The following CFAP90 variants were observed in gnomAD, a reference collection of about 807,000 sequenced individuals.
The protein encoded by CFAP90 is cilia and flagella associated protein 90, also known as cilia- and flagella-associated protein 90.
At chr5:7,850,779 C>T in the CFAP90 span, 1 of 1,165,384 alleles carries the variant, frequency 8.6e-7, no homozygotes, top group Non-Finnish European at 1.1e-6. Flanking sequence ...CGCGGCCGCC[C>T]GCCCCTGCCC....
chr5:7,831,864 T>C, the CFAP90 span: 1 of 1,612,768 alleles, frequency 6.2e-7, no homozygotes. Context: ...GATGGAGCAA[T>C]GTGCCCAAAG....
the CFAP90 span, chr5:7,831,992 A>T: frequency 1.9e-6 from 3 of 1,612,960 alleles, no homozygotes; most frequent in Non-Finnish European, 2.5e-6. Context: ...CTTCCCATAG[A>T]CAGAAGACGT....
chr5:7,845,740 A>G, the CFAP90 span, among the ~76,000 whole-genome samples: 1 of 152,218 alleles, frequency 6.6e-6, no homozygotes, highest in East Asian at 1.9e-4. Flanking sequence ...GGCAAAGCCC[A>G]CGCTACTAGA....
At chr5:7,837,785 A>G in the CFAP90 span, among the ~76,000 whole-genome samples, 1 of 152,250 alleles carries the variant, frequency 6.6e-6, no homozygotes, top group East Asian at 1.9e-4. Context: ...TTTAAGATTC[A>G]TAAGAATTCC....
At chr5:7,835,119 A>G in the CFAP90 span, among the ~76,000 whole-genome samples, 1 of 152,234 alleles carries the variant, frequency 6.6e-6, no homozygotes, top group South Asian at 2.1e-4. Context: ...GTGCAATAGC[A>G]TTATGTCTGA....
chr5:7,835,887 G>C, the CFAP90 span, among the ~76,000 whole-genome samples: 41 of 152,246 alleles, frequency 2.7e-4, no homozygotes, highest in African/African-American at 8.4e-4. Flanking sequence ...TATAGACTGG[G>C]TGACTTATAG....
At chr5:7,832,619 C>T in the CFAP90 span, among the ~76,000 whole-genome samples, 1 of 152,280 alleles carries the variant, frequency 6.6e-6, no homozygotes, top group East Asian at 1.9e-4. Context: ...TCCCGAGTAG[C>T]TGGGATTACA....
chr5:7,831,759 G>A, the CFAP90 span: 1 of 1,280,642 alleles, frequency 7.8e-7, no homozygotes, highest in Admixed American at 2.0e-5. Flanking sequence ...GTCATGAGAA[G>A]GGGAAAGGAG....
the CFAP90 span, chr5:7,850,762 G>A: frequency 2.4e-6 from 2 of 849,068 alleles, no homozygotes; most frequent in Non-Finnish European, 2.8e-6. Context: ...CTTCTCCCCC[G>A]CCCCTCCGCG....
At chr5:7,834,859 T>C in the CFAP90 span, among the ~76,000 whole-genome samples, 1 of 152,150 alleles carries the variant, frequency 6.6e-6, no homozygotes, top group Non-Finnish European at 1.5e-5. Context: ...TACACTCTGA[T>C]GTACACTCAG....
the CFAP90 span, chr5:7,850,822 AGCCGCCCAGCCGCCCAG>A: frequency 1.0e-6 from 1 of 999,770 alleles, no homozygotes; most frequent in Non-Finnish European, 1.3e-6. Context: ...CCAGCCGCCC[AGCCGCCCAGCCGCCCAG>A]CCTTCCGGTC....
At chr5:7,838,428 G>A in the CFAP90 span, among the ~76,000 whole-genome samples, 1 of 152,176 alleles carries the variant, frequency 6.6e-6, no homozygotes, top group Non-Finnish European at 1.5e-5. Context: ...CTGCTGGCCT[G>A]CAGAGGCTAA....
chr5:7,835,541 G>A, the CFAP90 span: 1 of 1,241,044 alleles, frequency 8.1e-7, no homozygotes, highest in Non-Finnish European at 1.2e-6. Flanking sequence ...TAATTTGAAG[G>A]CTGGGTCATT....
chr5:7,834,693 T>C, the CFAP90 span, among the ~76,000 whole-genome samples: 2 of 152,208 alleles, frequency 1.3e-5, no homozygotes, highest in South Asian at 4.1e-4. Flanking sequence ...TTACTGTACC[T>C]TTTTATGTTT....
the CFAP90 span, among the ~76,000 whole-genome samples, chr5:7,838,327 CT>C: frequency 6.7e-5 from 4 of 59,498 alleles, no homozygotes; most frequent in Non-Finnish European, 1.4e-4. Context: ...AAAATGAAAA[CT>C]TTAAAAAAAA....
At chr5:7,843,561 T>C in the CFAP90 span, among the ~76,000 whole-genome samples, 1 of 152,310 alleles carries the variant, frequency 6.6e-6, no homozygotes, top group South Asian at 2.1e-4. Flanking sequence ...CATTCATCTA[T>C]GTGCTCAACT....
the CFAP90 span, among the ~76,000 whole-genome samples, chr5:7,839,627 G>C: frequency 6.6e-6 from 1 of 152,282 alleles, no homozygotes; most frequent in Non-Finnish European, 1.5e-5. Flanking sequence ...ATTCTAATCA[G>C]GTCTCCTGAA....
At chr5:7,841,204 A>C in the CFAP90 span, among the ~76,000 whole-genome samples, 3 of 152,168 alleles carry the variant, frequency 2.0e-5, no homozygotes, top group Non-Finnish European at 4.4e-5. Context: ...ATAGACACAC[A>C]TGTGGCCAAC....
At chr5:7,842,519 A>G in the CFAP90 span, among the ~76,000 whole-genome samples, 272 of 151,994 alleles carry the variant, frequency 1.8e-3, 9 homozygotes, top group South Asian at 0.05. Context: ...AAAAACTCTC[A>G]GGCAGTCCTC....
Sources: allele counts gnomAD v4.1 joint callset (sites outside exome capture counted in the v4.1 genomes callset), GRCh38; gene constraint gnomAD v4.1.1; transcripts MANE v1.5; gene names NCBI Gene and HGNC (gene_info 2026-07-23, HGNC 2026-07-21).